Variants in PHKA2 observed in about 807,000 individuals in gnomAD.
PHKA2 encodes phosphorylase b kinase regulatory subunit alpha, liver isoform.
In PHKA2, 31 loss-of-function variants were observed where a neutral mutation model predicts 102.0. That is an observed-to-expected ratio of 0.30 (90% CI 0.23 to 0.41). PHKA2 has a LOEUF of 0.41. Ranked by LOEUF, PHKA2 falls within the 10% of genes least tolerant of loss-of-function variation. The pLI, the probability that PHKA2 is intolerant of heterozygous loss-of-function variation, is 1.00. For synonymous variants in PHKA2, 455 were observed against 416.2 expected, an observed-to-expected ratio of 1.09 and a Z score of -1.13; for missense variants, 858 against 1,023.1, an observed-to-expected ratio of 0.84 and a Z score of 2.20.
intron 28 of PHKA2, 141 bp downstream of exon 28, chrX:18,900,529 G>C: frequency 1.8e-6 from 1 of 566,055 alleles, no homozygotes; most frequent in Non-Finnish European, 3.2e-6. Flanking sequence ...CTCGAGTCCT[G>C]CTCTCTGCCT....
intron 19 of PHKA2, among the ~76,000 whole-genome samples, chrX:18,911,782 G>A (rs1309771775): frequency 8.9e-6 from 1 of 112,498 alleles, no homozygotes; most frequent in Admixed American, 9.4e-5. Context: ...ACTGGATTTC[G>A]CTTTTCCCTC....
In PHKA2 at chrX:18,893,352, T is replaced by C. The variant is rs746781873; in HGVS notation, c.*133A>G. ...ATCAGTTTCAGGGTGAGTGCTACCATTGCCCCCCGAGAGTGTTTCTGATGG... is the reference window on the plus strand; with the variant it reads ...ATCAGTTTCAGGGTGAGTGCTACCACTGCCCCCCGAGAGTGTTTCTGATGG... On this transcript the variant is annotated 3_prime_UTR_variant, in exon 33 of 33. Transcript: ENST00000379942. 3.1e-5 allele frequency: 20 copies of C among 638,898 alleles called. No individual in the cohort carries two copies. The highest frequency in any genetic ancestry group is 5.1e-5 in the Non-Finnish European group (20 of 389,324). 52.7% of individuals were successfully genotyped at this position (638,898 alleles called of 1,213,427 possible).
chrX:18,964,834 G>A (rs946388746), intron 1 of PHKA2, among the ~76,000 whole-genome samples: 1 of 112,618 alleles, frequency 8.9e-6, no homozygotes, highest in African/African-American at 3.2e-5. Context: ...CAGGTGGCTT[G>A]GAGAATAATC....
chrX:18,935,003 C>G (rs1252010528), intron 11 of PHKA2, among the ~76,000 whole-genome samples: 1 of 112,482 alleles, frequency 8.9e-6, no homozygotes, highest in Non-Finnish European at 1.9e-5. Context: ...GATTGAACCA[C>G]AGAACACCTA....
chrX:18,979,092 T>C (rs773077104), intron 1 of PHKA2, among the ~76,000 whole-genome samples: 1 of 110,668 alleles, frequency 9.0e-6, no homozygotes, highest in Non-Finnish European at 1.9e-5. Context: ...GGTGAGATCA[T>C]GCCACCGCAC....
chrX:18,922,209 G>A (rs1459002510), intron 17 of PHKA2, among the ~76,000 whole-genome samples: 1 of 110,866 alleles, frequency 9.0e-6, no homozygotes, highest in East Asian at 2.8e-4. Flanking sequence ...TTGTGCCACT[G>A]CACTCCAGCC....
intron 15 of PHKA2, among the ~76,000 whole-genome samples, chrX:18,925,329 T>A (rs1304029948): frequency 1.8e-5 from 2 of 112,737 alleles, no homozygotes; most frequent in Non-Finnish European, 3.7e-5. Context: ...TCAGCCTGGC[T>A]GTGTGTTACA....
In PHKA2 at chrX:18,951,164, G is replaced by A. The variant is rs137852292; in HGVS notation, c.394C>T (p.His132Tyr). ...AGAGAGGTGGCATCCACCTGGAGGTGGCCCCACTGGTCGTCGCCCACCACC... is the reference window on the plus strand; with the variant it reads ...AGAGAGGTGGCATCCACCTGGAGGTAGCCCCACTGGTCGTCGCCCACCACC... ...GTVVGDDQWG[H>Y]LQVDATSLFL... Residue 132 changes from histidine to tyrosine, a missense_variant, in exon 4 of 33, where the codon CAC becomes TAC. By Grantham distance (83) the His-to-Tyr change is moderately conservative. Around this residue, in one of 2 missense-constraint regions of PHKA2, gnomAD observed 187 missense variants for 277.9 expected, o/e 0.67. Transcript: ENST00000379942. 8.3e-7 allele frequency: 1 copy of A among 1,211,450 alleles called. No homozygotes were observed. The highest frequency in any genetic ancestry group is 1.1e-6 in the Non-Finnish European group (1 of 895,137).
intron 1 of PHKA2, among the ~76,000 whole-genome samples, chrX:18,971,088 T>C (rs1291216803): frequency 8.9e-6 from 1 of 112,554 alleles, no homozygotes; most frequent in Non-Finnish European, 1.9e-5. Flanking sequence ...GGACCCACAA[T>C]GGACTGTTAT....
chrX:18,900,572 C>A, intron 28 of PHKA2, 98 bp downstream of exon 28: 1 of 816,679 alleles, frequency 1.2e-6, no homozygotes, highest in Non-Finnish European at 1.9e-6. Context: ...TAGAGCCGCC[C>A]TCTACACATT....
intron 3 of PHKA2, 26 bp from the exon 4 acceptor site, chrX:18,951,298 GCATAGTTATGGGGGTT>G (rs1274216311): frequency 1.7e-6 from 2 of 1,197,800 alleles, no homozygotes; most frequent in Non-Finnish European, 2.3e-6. Flanking sequence ...AGCCCGCTCT[GCATAGTTATGGGGGTT>G]CATGGCTGGC....
chrX:18,940,519 G>C (rs1447321137), intron 8 of PHKA2, among the ~76,000 whole-genome samples: 1 of 112,073 alleles, frequency 8.9e-6, no homozygotes, highest in African/African-American at 3.2e-5. Flanking sequence ...TTAGCAGAAA[G>C]GGAGGGGGCA....
intron 13 of PHKA2, among the ~76,000 whole-genome samples, chrX:18,926,819 A>G (rs1180452897): frequency 1.8e-5 from 2 of 111,777 alleles, no homozygotes; most frequent in African/African-American, 6.5e-5. Flanking sequence ...TGTGCAAGAT[A>G]GTCTGATAGG....
At position 18,983,838 on chromosome X, in the gene PHKA2, G is replaced by C; in HGVS notation, c.78+17C>G. 1 of 1,190,080 alleles carries C rather than the reference G, an allele frequency of 8.4e-7. No homozygotes were observed. The highest frequency in any genetic ancestry group is 1.7e-5 in the African/African-American group (1 of 57,533). ...GAGGGTAGTTCCACGCGTTCCCTGG[G>C]GGCGGTCCCTCCTTACCTGGTAACA... is the stretch of plus-strand genomic sequence containing the variant. On this transcript the variant is annotated intron_variant, in intron 1 of 32. Coordinates refer to ENST00000379942, the MANE Select transcript of PHKA2 (RefSeq NM_000292.3).
rs1023206194 is a variant in PHKA2 at position 18,938,637 on chromosome X, T to A, written c.1031A>T (p.Asp344Val). Reference sequence around the variant, plus strand: ...CCAGCATTTTCTCACCTGAACAGCATCACCACTGAAGACTCCATCTATTAT... The same window carrying A: ...CCAGCATTTTCTCACCTGAACAGCAACACCACTGAAGACTCCATCTATTAT... ...YFIIDGVFSG[D>V]AVQVQEYREA... is the part of the protein sequence containing the mutation. The change falls in exon 10 of 33, where the codon GAT becomes GTT. Residue 344 changes from aspartate (D) to valine (V), a missense_variant. This residue lies in a region of PHKA2 where 671 missense variants were observed against 745.2 expected (regional missense o/e 0.90). Transcript: ENST00000379942. 1 of 1,206,276 alleles carries A rather than the reference T, an allele frequency of 8.3e-7. No homozygotes were observed. The highest frequency in any genetic ancestry group is 1.7e-5 in the African/African-American group (1 of 57,793).
Position 18,895,122 on chromosome X carries a change from G to GT in PHKA2, c.3336+15dup, listed in dbSNP as rs1406806350. The stretch of plus-strand genomic sequence containing the variant: ...AACCCACAGAGGGGCCCGCCTCTGC[G>GT]TTTTTCTCATCGTACCTCTCGGGTC... On this transcript the variant is annotated intron_variant, in intron 31 of 32. Coordinates refer to ENST00000379942, the MANE Select transcript of PHKA2 (RefSeq NM_000292.3). The GT allele has an allele frequency of 2.5e-6, 3 of 1,206,756 alleles. No homozygotes were observed. The highest frequency in any genetic ancestry group is 2.3e-4 in the Middle Eastern group (1 of 4,368).
At chrX:18,899,383 C>T (rs1374967048) in intron 28 of PHKA2, among the ~76,000 whole-genome samples, 157 bp from the exon 29 acceptor site, 1 of 112,516 alleles carries the variant, frequency 8.9e-6, no homozygotes, top group Non-Finnish European at 1.9e-5. Flanking sequence ...TAGGCAAGCT[C>T]AGGTGCAGGG....
rs2047460502 is a variant in PHKA2 at position 18,893,306 on chromosome X, A to C, written c.*179T>G. On this transcript the variant is annotated 3_prime_UTR_variant, in exon 33 of 33. Coordinates refer to ENST00000379942, the MANE Select transcript of PHKA2 (RefSeq NM_000292.3). ...GGGGAACACAGGACTCCTCAGCTCT[A>C]TCTCTGTGGCTTTAACATACATCAG... The C allele has an allele frequency of 5.9e-6, 3 of 508,569 alleles. No individual in the cohort carries two copies. Among genetic ancestry groups the C allele is most frequent in the Non-Finnish European group, 1.0e-5 (3 of 287,873 alleles). The allele number at this position is 508,569 out of a possible 1,213,427, so 41.9% of individuals were successfully genotyped here. A position where few individuals can be genotyped will look rare whatever the true frequency, so the allele number is the denominator to read the frequency against.
At chrX:18,913,618 C>T (rs1204395452) in intron 19 of PHKA2, among the ~76,000 whole-genome samples, 3 of 110,976 alleles carry the variant, frequency 2.7e-5, no homozygotes, top group African/African-American at 9.8e-5. Context: ...GTTAGCCAGG[C>T]TGGTCTTGAA....
Sources: allele counts gnomAD v4.1 joint callset (sites outside exome capture counted in the v4.1 genomes callset), GRCh38; gene constraint gnomAD v4.1.1; regional missense constraint gnomAD v4.1.1; transcripts MANE v1.5; gene names NCBI Gene and HGNC (gene_info 2026-07-23, HGNC 2026-07-21).